RAB37: variants seen among roughly 807,000 people sequenced by gnomAD.
RAB37 encodes ras-related protein Rab-37.
Under a neutral mutation model 33.1 loss-of-function variants are expected in RAB37, and 29 were observed. The ratio of observed to expected loss-of-function variants is 0.88; its 90% confidence interval spans 0.65 to 1.20. The LOEUF (loss-of-function observed/expected upper bound fraction) is 1.20, where lower values mean the gene tolerates loss of function less well. Among genes scored for constraint, RAB37 ranks in the 50% most tolerant of loss-of-function variants. The pLI is 0.00. For synonymous variants in RAB37, 128 were observed against 119.5 expected, an observed-to-expected ratio of 1.07 and a Z score of -0.47; for missense variants, 299 against 301.1, an observed-to-expected ratio of 0.99 and a Z score of 0.05.
At chr17:74,708,953 G>C (rs1243379577) in intron 1 of RAB37, among the ~76,000 whole-genome samples, 1 of 150,754 alleles carries the variant, frequency 6.6e-6, no homozygotes, top group African/African-American at 2.4e-5. Flanking sequence ...GGCCAGGCAC[G>C]GTGGTTTACA....
intron 2 of RAB37, 74 bp downstream of exon 2, chr17:74,740,952 C>G (rs2034599808): frequency 9.2e-7 from 1 of 1,091,812 alleles, no homozygotes; most frequent in South Asian, 1.2e-5. Context: ...GTTGCCCCCA[C>G]CTTGCTCACC....
intron 1 of RAB37, among the ~76,000 whole-genome samples, chr17:74,721,725 G>A (rs1016984590): frequency 8.5e-5 from 13 of 152,070 alleles, no homozygotes; most frequent in Admixed American, 5.2e-4. Context: ...CACCACGCCT[G>A]GTCCTCTTGG....
At chr17:74,675,347 A>G (rs1267962246) in intron 1 of RAB37, among the ~76,000 whole-genome samples, 2 of 151,928 alleles carry the variant, frequency 1.3e-5, no homozygotes, top group East Asian at 3.9e-4. Flanking sequence ...AGGCAGGAGA[A>G]TCGCTTTAAC....
At chr17:74,688,515 G>A (rs1055007451) in intron 1 of RAB37, among the ~76,000 whole-genome samples, 6 of 149,224 alleles carry the variant, frequency 4.0e-5, no homozygotes, top group East Asian at 2.0e-4. Context: ...ATCACGCCAC[G>A]GCACTCCAGC....
chr17:74,739,648 G>T (rs981263895), intron 1 of RAB37, among the ~76,000 whole-genome samples: 2 of 146,894 alleles, frequency 1.4e-5, no homozygotes, highest in Non-Finnish European at 3.0e-5. Flanking sequence ...TCCTGTCTCC[G>T]CCTCCCAAGT....
intron 1 of RAB37, among the ~76,000 whole-genome samples, chr17:74,716,846 T>C (rs551098708): frequency 2.3e-4 from 35 of 152,200 alleles, no homozygotes; most frequent in Non-Finnish European, 4.0e-4. Flanking sequence ...TTTAAACAAA[T>C]TTCCTGGCCG....
At chr17:74,714,396 AAC>A (rs3046673) in intron 1 of RAB37, among the ~76,000 whole-genome samples, 3,281 of 137,676 alleles carry the variant, frequency 0.024, 61 homozygotes, top group East Asian at 0.091. Context: ...TGTCTCTTTA[AAC>A]ACACACACAC....
intron 1 of RAB37, chr17:74,704,615 A>T: frequency 1.2e-6 from 2 of 1,614,140 alleles, no homozygotes; most frequent in South Asian, 1.1e-5. Flanking sequence ...ATTGTCCTTG[A>T]TGGACACCCG....
At chr17:74,708,721 C>A (rs558020189) in intron 1 of RAB37, among the ~76,000 whole-genome samples, 1 of 152,116 alleles carries the variant, frequency 6.6e-6, no homozygotes, top group Non-Finnish European at 1.5e-5. Flanking sequence ...TCGAGACCAT[C>A]CTGGCTAACA....
chr17:74,687,335 T>C (rs1441971434), intron 1 of RAB37, among the ~76,000 whole-genome samples: 2 of 152,108 alleles, frequency 1.3e-5, no homozygotes, highest in African/African-American at 4.8e-5. Flanking sequence ...GCAATTCTCC[T>C]TTCTCGGCCT....
upstream of RAB37, chr17:74,736,968 A>T (rs547861804): frequency 8.7e-5 from 135 of 1,556,832 alleles, no homozygotes; most frequent in African/African-American, 1.3e-3. Flanking sequence ...CCGCTCCCCC[A>T]GGGGCAAGCA....
At chr17:74,674,136 G>A (rs868727198) in intron 1 of RAB37, among the ~76,000 whole-genome samples, 38 of 152,096 alleles carry the variant, frequency 2.5e-4, no homozygotes, top group Admixed American at 6.5e-4. Context: ...GAATGCAGTG[G>A]TGTGATCTCA....
At chr17:74,725,662 C>T (rs1375509129) in intron 1 of RAB37, among the ~76,000 whole-genome samples, 1 of 151,310 alleles carries the variant, frequency 6.6e-6, no homozygotes, top group Non-Finnish European at 1.5e-5. Context: ...TTTGCTCTGT[C>T]ACCCAGGCTA....
In RAB37 at chr17:74,695,701, C is replaced by T. The variant is rs374238312; in HGVS notation, c.72+24043C>T. 3.1e-6 allele frequency: 5 copies of T among 1,613,858 alleles called. No homozygotes were observed. In the African/African-American group the frequency reaches 6.7e-5, roughly 22 times the overall value. On this transcript the variant is annotated intron_variant, in intron 1 of 7. Transcript: ENST00000340415. The stretch of plus-strand genomic sequence containing the variant: ...CCTGTGTCCCCCTGCCCCAGCCTCA[C>T]AGCAGCCCCCATGGAGGACGCACCA...
chr17:74,717,796 C>A (rs151291107), intron 1 of RAB37, among the ~76,000 whole-genome samples: 1,801 of 129,256 alleles, frequency 0.014, 20 homozygotes, highest in Non-Finnish European at 0.022. Flanking sequence ...GCAGCAAGAG[C>A]GAAACTCCAT....
chr17:74,745,214 G>A lies in RAB37; in HGVS notation c.567-92G>A. ...GCAGGCTGAGGTCCATTTGCTCTGG[G>A]AGCACTGGGCCACTGGGAGAGGGGA... On this transcript the variant is annotated intron_variant, in intron 8 of 8. Transcript: ENST00000392613. This position sits in a 1 kb window ranked among gnomAD's most constrained non-coding sequence, Gnocchi z 4.5. The A allele has an allele frequency of 9.1e-6, 14 of 1,534,730 alleles. No homozygotes were observed. The highest frequency in any genetic ancestry group is 9.9e-6 in the Non-Finnish European group (11 of 1,109,364).
chr17:74,680,372 G>T (rs2031928349), intron 1 of RAB37, among the ~76,000 whole-genome samples: 1 of 152,038 alleles, frequency 6.6e-6, no homozygotes, highest in Non-Finnish European at 1.5e-5. Flanking sequence ...ACTCAAGAGT[G>T]GCTCCATCTC....
At chr17:74,697,352 A>G (rs866082427) in intron 1 of RAB37, among the ~76,000 whole-genome samples, 2 of 152,144 alleles carry the variant, frequency 1.3e-5, no homozygotes, top group African/African-American at 2.4e-5. Flanking sequence ...CCTAGGGACA[A>G]CAAAGAAATG....
chr17:74,673,945 G>A (rs2031764399), intron 1 of RAB37, among the ~76,000 whole-genome samples: 1 of 152,096 alleles, frequency 6.6e-6, no homozygotes, highest in Non-Finnish European at 1.5e-5. Context: ...AACTCTTTTT[G>A]TAAAGGGGTA....
Sources: allele counts gnomAD v4.1 joint callset (sites outside exome capture counted in the v4.1 genomes callset), GRCh38; gene constraint gnomAD v4.1.1; non-coding constraint Gnocchi (gnomAD v3.1); transcripts MANE v1.5; gene names NCBI Gene and HGNC (gene_info 2026-07-23, HGNC 2026-07-21).